The following PRLR variants were observed in gnomAD, a reference collection of about 807,000 sequenced individuals.
The protein encoded by PRLR is prolactin receptor, also known as hPRL receptor.
Under a neutral mutation model 40.2 loss-of-function variants are expected in PRLR, and 13 were observed. The observed-to-expected ratio is 0.32, with a 90% CI of 0.21 to 0.51. The LOEUF is 0.51. Among genes scored for constraint, PRLR ranks in the 20% least tolerant of loss-of-function variants. The pLI, the probability that PRLR is intolerant of heterozygous loss-of-function variation, is 0.97. For synonymous variants in PRLR, 269 were observed against 278.7 expected (o/e 0.97, Z 0.35); for missense variants, 656 against 747.3 (o/e 0.88, Z 1.42).
In PRLR at chr5:35,070,147, G is replaced by T. The variant is rs779413027; in HGVS notation, c.662C>A (p.Ala221Glu). The T allele has an allele frequency of 5.0e-6, 8 of 1,613,278 alleles. No individual in the cohort carries two copies. Among genetic ancestry groups the T allele is most frequent in the Middle Eastern group, 1.7e-4 (1 of 6,060 alleles). The change falls in exon 7 of 10, where the codon GCG (alanine) becomes GAG (glutamate). Residue 221 changes from alanine (A) to glutamate (E), a missense_variant. Ala to Glu is a moderately radical substitution (Grantham distance 107). Around this residue, in one of 3 missense-constraint regions of PRLR, gnomAD observed 469 missense variants for 491.5 expected, o/e 0.95. Coordinates refer to ENST00000618457, the MANE Select transcript of PRLR (RefSeq NM_000949.7). Reference protein sequence around the residue: ...DHGYWSAWSPATFIQIPSDFT... With the variant: ...DHGYWSAWSPETFIQIPSDFT... ...ACCACTAGGTATCTGAATGAAGGTCGCTGGACTCCATGCACTCCAGTATCC... is the reference window on the plus strand; with the variant it reads ...ACCACTAGGTATCTGAATGAAGGTCTCTGGACTCCATGCACTCCAGTATCC...
chr5:35,149,055 G>C (rs1774268405), intron 1 of PRLR, among the ~76,000 whole-genome samples: 1 of 152,050 alleles, frequency 6.6e-6, no homozygotes, highest in Admixed American at 6.6e-5. Flanking sequence ...ACAGCTTTAG[G>C]CTGTAAAATA....
intron 1 of PRLR, among the ~76,000 whole-genome samples, chr5:35,138,295 A>G (rs1773918237): frequency 1.3e-5 from 2 of 152,244 alleles, no homozygotes; most frequent in Admixed American, 1.3e-4. Flanking sequence ...ACAATCCGAT[A>G]TACTTAACAC....
chr5:35,106,887 T>C (rs1037429593), intron 2 of PRLR, among the ~76,000 whole-genome samples: 7 of 152,096 alleles, frequency 4.6e-5, no homozygotes, highest in Admixed American at 2.6e-4. Flanking sequence ...TAATAGACAT[T>C]TACAGAACTC....
At chr5:35,216,462 AT>A (rs1279433717) in intron 1 of PRLR, among the ~76,000 whole-genome samples, 1 of 152,184 alleles carries the variant, frequency 6.6e-6, no homozygotes, top group Admixed American at 6.5e-5. Context: ...GGTAAAAGAA[AT>A]TCTTCCTGAA....
At chr5:35,229,751 G>A (rs1354004816) in intron 1 of PRLR, among the ~76,000 whole-genome samples, 1 of 152,124 alleles carries the variant, frequency 6.6e-6, no homozygotes, top group East Asian at 1.9e-4. Flanking sequence ...TTCCCCGCCG[G>A]ATGCCCGCGA....
intron 6 of PRLR, among the ~76,000 whole-genome samples, chr5:35,070,517 T>G (rs892902995): frequency 1.3e-5 from 2 of 152,102 alleles, no homozygotes; most frequent in East Asian, 3.9e-4. Context: ...CTTCCCACTT[T>G]ATGAAAAACA....
intron 1 of PRLR, among the ~76,000 whole-genome samples, chr5:35,230,050 T>TGA (rs1561376626): frequency 6.6e-6 from 1 of 151,796 alleles, no homozygotes; most frequent in Non-Finnish European, 1.5e-5. Flanking sequence ...TTAGCCCCTC[T>TGA]GAGAAGGGAC....
downstream of PRLR, among the ~76,000 whole-genome samples, chr5:35,053,304 TTA>T (rs1768569143): frequency 6.6e-6 from 1 of 152,300 alleles, no homozygotes; most frequent in South Asian, 2.1e-4. Context: ...AACCTACAAA[TTA>T]TAAGAATGTT....
At chr5:35,213,539 C>G (rs1344101322) in intron 1 of PRLR, among the ~76,000 whole-genome samples, 1 of 151,950 alleles carries the variant, frequency 6.6e-6, no homozygotes, top group Non-Finnish European at 1.5e-5. Flanking sequence ...TTATTAAATT[C>G]TTATTACACA....
At chr5:35,092,555 G>A (rs1771279610) in intron 2 of PRLR, among the ~76,000 whole-genome samples, 1 of 152,062 alleles carries the variant, frequency 6.6e-6, no homozygotes, top group Admixed American at 6.5e-5. Context: ...GATAAATTAG[G>A]TTTTTGTCTC....
chr5:35,196,765 T>C (rs1775748028), intron 1 of PRLR, among the ~76,000 whole-genome samples: 1 of 152,214 alleles, frequency 6.6e-6, no homozygotes, highest in Non-Finnish European at 1.5e-5. Flanking sequence ...TCTTAATCAG[T>C]TCAGGCTGCT....
At chr5:35,052,831 CTCAG>C (rs1353191071), downstream of PRLR, among the ~76,000 whole-genome samples, 1 of 152,182 alleles carries the variant, frequency 6.6e-6, no homozygotes, top group Non-Finnish European at 1.5e-5. Flanking sequence ...GGTTTTCTCA[CTCAG>C]TCTGTCGGCA....
intron 1 of PRLR, among the ~76,000 whole-genome samples, chr5:35,216,747 T>C (rs1776297063): frequency 6.6e-6 from 1 of 152,230 alleles, no homozygotes; most frequent in South Asian, 2.1e-4. Flanking sequence ...GAGAAGGACT[T>C]GGTTTTTAAC....
chr5:35,205,205 G>A (rs1168905240), intron 1 of PRLR, among the ~76,000 whole-genome samples: 1 of 152,020 alleles, frequency 6.6e-6, no homozygotes, highest in Non-Finnish European at 1.5e-5. Context: ...GACTTATGAA[G>A]ATGCTAGATT....
rs1430196612 is a variant in PRLR at position 35,061,950 on chromosome 5, G to T, written c.*3139C>A. The T allele has an allele frequency of 6.6e-6, 1 of 152,102 alleles. No individual in the cohort carries two copies. The highest frequency in any genetic ancestry group is 1.9e-4 in the East Asian group (1 of 5,192). 9.4% of individuals were successfully genotyped at this position (152,102 alleles called of 1,614,324 possible). The stretch of plus-strand genomic sequence containing the variant: ...TTCAGTAAAAGATCATTTTTCTAAA[G>T]ATTAGTGCCTCATTCAATATGTCTC... On this transcript the variant is annotated 3_prime_UTR_variant, in exon 10 of 10. Transcript: ENST00000618457.
chr5:35,185,143 G>C (rs990777304), intron 1 of PRLR, among the ~76,000 whole-genome samples: 1 of 152,194 alleles, frequency 6.6e-6, no homozygotes, highest in Non-Finnish European at 1.5e-5. Context: ...CTCTAGGCTT[G>C]GCCCTTCTCT....
intron 2 of PRLR, among the ~76,000 whole-genome samples, chr5:35,106,949 A>T (rs1478468440): frequency 1.3e-5 from 2 of 152,218 alleles, no homozygotes; most frequent in East Asian, 1.9e-4. Context: ...CATCGCACTT[A>T]TTCCAAAATT....
chr5:35,149,954 G>T (rs1466641063), intron 1 of PRLR, among the ~76,000 whole-genome samples: 1 of 152,122 alleles, frequency 6.6e-6, no homozygotes, highest in Non-Finnish European at 1.5e-5. Flanking sequence ...TGCCTCCTGG[G>T]CTCAAGCGAT....
At chr5:35,224,098 C>T (rs896543125) in intron 1 of PRLR, among the ~76,000 whole-genome samples, 1 of 152,174 alleles carries the variant, frequency 6.6e-6, no homozygotes, top group Non-Finnish European at 1.5e-5. Context: ...CCCCTTGTTC[C>T]GTTTAGGTCA....
Sources: gnomAD v4.1 joint callset for allele counts (sites outside exome capture counted in the v4.1 genomes callset) on GRCh38, gnomAD v4.1.1 for gene constraint, gnomAD v4.1.1 regional missense constraint, MANE v1.5 for transcripts, NCBI Gene and HGNC (gene_info 2026-07-23, HGNC 2026-07-21) for gene names.